The following TENM2 variants were observed in gnomAD, a reference collection of about 807,000 sequenced individuals.
TENM2 encodes teneurin-2.
In TENM2, 52 loss-of-function variants were observed where a neutral mutation model predicts 245.2. The ratio of observed to expected loss-of-function variants is 0.21; its 90% CI spans 0.17 to 0.27. The LOEUF is 0.27. Ranked by LOEUF, TENM2 falls within the 10% of genes least tolerant of loss-of-function variation. The probability of loss-of-function intolerance (pLI) is 1.00; values close to 1 mark genes in which losing one functional copy is unlikely to be tolerated. For synonymous variants in TENM2, 1,363 were observed against 1,438.9 expected (o/e 0.95, Z 1.19); for missense variants, 3,046 against 3,666.8 (o/e 0.83, Z 4.37).
intron 2 of TENM2, among the ~76,000 whole-genome samples, chr5:167,496,338 G>A (rs751531186): frequency 2.0e-5 from 3 of 151,918 alleles, no homozygotes; most frequent in South Asian, 2.1e-4. Flanking sequence ...TGTTTACTTC[G>A]ATTTTTAAAA....
chr5:167,579,396 A>C (rs1774928625), intron 2 of TENM2, among the ~76,000 whole-genome samples: 1 of 152,172 alleles, frequency 6.6e-6, no homozygotes, highest in African/African-American at 2.4e-5. Context: ...TATTCACTGG[A>C]GATATGTGTC....
At chr5:167,134,554 G>A in the TENM2 span, among the ~76,000 whole-genome samples, 9 of 152,074 alleles carry the variant, frequency 5.9e-5, no homozygotes, top group East Asian at 5.8e-4. Context: ...GATTTCAGTC[G>A]GCAAGAAGAA....
chr5:168,128,839 A>G (rs1489296281), intron 12 of TENM2: 2 of 151,502 alleles, frequency 1.3e-5, no homozygotes, highest in Non-Finnish European at 3.0e-5. Flanking sequence ...GACCATAAAC[A>G]AAGTATTATT....
At chr5:167,648,484 C>A (rs1780113165) in intron 2 of TENM2, among the ~76,000 whole-genome samples, 1 of 152,142 alleles carries the variant, frequency 6.6e-6, no homozygotes, top group South Asian at 2.1e-4. Context: ...GACAACAGGA[C>A]TGAATATTAG....
the TENM2 span, among the ~76,000 whole-genome samples, chr5:167,220,794 A>C: frequency 6.6e-6 from 1 of 152,022 alleles, no homozygotes; most frequent in African/African-American, 2.4e-5. Context: ...CCTCAGTCAC[A>C]GCTCTTTATT....
chr5:167,170,603 G>A, the TENM2 span, among the ~76,000 whole-genome samples: 2 of 152,132 alleles, frequency 1.3e-5, no homozygotes, highest in South Asian at 4.1e-4. Context: ...GGAATTTTAT[G>A]TCAAGACATA....
intron 2 of TENM2, among the ~76,000 whole-genome samples, chr5:167,724,003 G>C (rs1759817108): frequency 6.6e-6 from 1 of 152,320 alleles, no homozygotes; most frequent in South Asian, 2.1e-4. Context: ...CTGACTTTCT[G>C]TGCAGCTGAC....
intron 2 of TENM2, among the ~76,000 whole-genome samples, chr5:167,636,793 T>C (rs1779233781): frequency 6.6e-6 from 1 of 152,242 alleles, no homozygotes; most frequent in African/African-American, 2.4e-5. Flanking sequence ...TCATTACTTA[T>C]AATTTGTTTT....
the TENM2 span, among the ~76,000 whole-genome samples, chr5:167,050,188 C>A: frequency 6.6e-6 from 1 of 152,180 alleles, no homozygotes; most frequent in African/African-American, 2.4e-5. Context: ...CTCTTACGAA[C>A]AGGGCTGCAT....
chr5:167,424,160 T>TAAAAA (rs773557091), intron 2 of TENM2, among the ~76,000 whole-genome samples: 24,807 of 152,038 alleles, frequency 0.16, 2,157 homozygotes, highest in Middle Eastern at 0.25. Flanking sequence ...TGTGTTGACC[T>TAAAAA]AACATGCCCC....
intron 9 of TENM2, among the ~76,000 whole-genome samples, chr5:168,102,688 A>G (rs915828566): frequency 4.6e-5 from 7 of 152,216 alleles, no homozygotes; most frequent in Non-Finnish European, 1.0e-4. Flanking sequence ...ACAAGCACAC[A>G]GGTTTAACTG....
chr5:167,538,857 C>T (rs571567590), intron 2 of TENM2, among the ~76,000 whole-genome samples: 50 of 152,214 alleles, frequency 3.3e-4, no homozygotes, highest in Non-Finnish European at 5.3e-4. Flanking sequence ...GAAACCATGT[C>T]GAAACGCAGA....
chr5:167,453,748 C>A (rs1765744819), intron 2 of TENM2, among the ~76,000 whole-genome samples: 1 of 152,110 alleles, frequency 6.6e-6, no homozygotes, highest in Admixed American at 6.5e-5. Context: ...GTAAATTGAG[C>A]CAATGTGTAA....
chr5:167,395,518 A>G (rs933310961), intron 2 of TENM2, among the ~76,000 whole-genome samples: 3 of 152,238 alleles, frequency 2.0e-5, no homozygotes, highest in Non-Finnish European at 4.4e-5. Context: ...TTGCTTTGCT[A>G]AGACTCTCGG....
intron 1 of TENM2, among the ~76,000 whole-genome samples, chr5:167,373,618 G>A (rs995519596): frequency 2.0e-5 from 3 of 152,190 alleles, no homozygotes; most frequent in East Asian, 1.9e-4. Flanking sequence ...CTTTTAAGGA[G>A]CCAAGTAGTA....
At chr5:167,070,131 T>TCA in the TENM2 span, among the ~76,000 whole-genome samples, 4 of 151,186 alleles carry the variant, frequency 2.6e-5, no homozygotes, top group African/African-American at 9.7e-5. Flanking sequence ...ATTTATTTAT[T>TCA]TTTTGAGACA....
chr5:167,233,917 T>C, the TENM2 span, among the ~76,000 whole-genome samples: 1 of 151,200 alleles, frequency 6.6e-6, no homozygotes, highest in African/African-American at 2.4e-5. Context: ...AGTGAAATGG[T>C]GCTTTAAAAA....
intron 7 of TENM2, among the ~76,000 whole-genome samples, chr5:168,072,975 C>G (rs1254305157): frequency 6.6e-6 from 1 of 152,182 alleles, no homozygotes; most frequent in Admixed American, 6.5e-5. Context: ...CCTCCTCAGT[C>G]AAGTGATTCC....
At chr5:167,831,982 C>CA (rs1768537519) in intron 2 of TENM2, among the ~76,000 whole-genome samples, 1 of 122,818 alleles carries the variant, frequency 8.1e-6, no homozygotes, top group Non-Finnish European at 1.7e-5. Context: ...AGAGAATGGA[C>CA]GAAAAAAAAA....
Sources: allele counts gnomAD v4.1 joint callset (sites outside exome capture counted in the v4.1 genomes callset), GRCh38; gene constraint gnomAD v4.1.1; transcripts MANE v1.5; gene names NCBI Gene and HGNC (gene_info 2026-07-23, HGNC 2026-07-21).